The following TESK1 variants were observed in gnomAD, a reference collection of about 807,000 sequenced individuals.
The protein encoded by TESK1 is dual specificity testis-specific protein kinase 1.
In TESK1, 18 loss-of-function variants were observed where a neutral mutation model predicts 59.9. That is an observed-to-expected ratio of 0.30 (90% confidence interval 0.21 to 0.45). TESK1 has a LOEUF of 0.45. Ranked by LOEUF, TESK1 falls within the 20% of genes least tolerant of loss-of-function variation. The probability of loss-of-function intolerance (pLI) is 1.00; values close to 1 mark genes in which losing one functional copy is unlikely to be tolerated. For synonymous variants in TESK1, 341 were observed against 357.4 expected (o/e 0.95, Z 0.52); for missense variants, 748 against 840.9 (o/e 0.89, Z 1.37).
At position 35,609,506 on chromosome 9, in the gene TESK1, C is replaced by T. The variant is rs769002766; in HGVS notation, c.1645C>T (p.Arg549Trp). Residue 549 changes from arginine to tryptophan, a missense_variant, in exon 10 of 10, where the codon CGG becomes TGG. Physicochemically the swap from Arg to Trp is moderately radical, Grantham distance 101. Transcript: ENST00000336395. This position sits in a 1 kb window ranked among gnomAD's most constrained non-coding sequence, Gnocchi z 6.7. The stretch of plus-strand genomic sequence containing the variant: ...CCTGCCCCGGGCGGCAGCCCTGGAG[C>T]GGACAGAACCCTCGCCACCCCCTTC... Reference protein sequence around the residue: ...HSLPRAAALERTEPSPPPSAP... With the variant: ...HSLPRAAALEWTEPSPPPSAP... The T allele has an allele frequency of 1.0e-5, 16 of 1,606,484 alleles. No homozygotes were observed. Among genetic ancestry groups the T allele is most frequent in the East Asian group, 2.2e-5 (1 of 44,794 alleles).
Position 35,605,978 on chromosome 9 carries a change from C to T in TESK1, c.220-6C>T. 1 of 1,613,564 alleles carries T rather than the reference C, an allele frequency of 6.2e-7. No individual in the cohort carries two copies. The highest frequency in any genetic ancestry group is 1.1e-5 in the South Asian group (1 of 91,068). ...CCCGGCCCTCGCCGGCTGCTCCTGC[C>T]CCCAGGTTCGGCACCGACAGTCAGG... On this transcript the variant is annotated splice_region_variant and splice_polypyrimidine_tract_variant and intron_variant, in intron 1 of 9. Transcript: ENST00000336395.
chr9:35,608,921 C>T lies in TESK1; in HGVS notation c.1060C>T (p.Arg354Ter), dbSNP rs1216606540. The change falls in exon 10 of 10, where the codon CGA (arginine) becomes TGA (stop). Residue 354 changes from arginine to a stop codon, truncating the protein, a stop_gained. Coordinates refer to ENST00000336395, the MANE Select transcript of TESK1 (RefSeq NM_006285.3). LOFTEE classifies it high-confidence loss of function. ...TLPRPDPRLS[R>*]SRSDLFLPPS... ...TCCCAGGCCAGATCCCCGGCTTTCC[C>T]GAAGCCGGTCAGACCTCTTCCTGCC... 5 of 1,613,078 alleles carry T rather than the reference C, an allele frequency of 3.1e-6. No homozygotes were observed. Among genetic ancestry groups the T allele is most frequent in the Non-Finnish European group, 3.4e-6 (4 of 1,179,344 alleles).
rs763982127 is a variant in TESK1 at position 35,605,872 on chromosome 9, C to T, written c.219+34C>T. On this transcript the variant is annotated intron_variant, in intron 1 of 9. Transcript: ENST00000336395. The stretch of plus-strand genomic sequence containing the variant: ...GGCCGAGAGGGCAGAGGGGCGGGAC[C>T]GAGCCTTCAACCAGAGGCTGAAACT... 8.7e-6 allele frequency: 14 copies of T among 1,606,652 alleles called. No homozygotes were observed. In the African/African-American group the frequency reaches 1.6e-4, roughly 18 times the overall value.
At chr9:35,608,802 G>T (rs976591793) in intron 9 of TESK1, 60 bp from the exon 10 acceptor site, 97 of 1,515,380 alleles carry the variant, frequency 6.4e-5, no homozygotes, top group Non-Finnish European at 8.4e-5. Flanking sequence ...GAATAGTGAG[G>T]CCCTCAAGGA....
rs1822825721 is a variant in TESK1 at position 35,605,544 on chromosome 9, CGCCCATGGCAAGCGCGGCCTGCCCGG to C, written c.-71_-46del. On this transcript the variant is annotated 5_prime_UTR_variant, in exon 1 of 10. It removes an upstream start codon present in the reference 5' UTR. Coordinates refer to ENST00000336395, the MANE Select transcript of TESK1 (RefSeq NM_006285.3). Reference sequence around the variant, plus strand: ...GGCGCCCGGGATCGGGCTGGGCCCGCGCCCATGGCAAGCGCGGCCTGCCCGGGCCCTGGGGACCCTGCCATGTGAGG... The same window carrying C: ...GGCGCCCGGGATCGGGCTGGGCCCGCGCCCTGGGGACCCTGCCATGTGAGG... 1.9e-5 allele frequency: 7 copies of C among 377,210 alleles called. No homozygotes were observed. Among genetic ancestry groups the C allele is most frequent in the Non-Finnish European group, 3.0e-5 (7 of 234,610 alleles). 23.4% of individuals were successfully genotyped at this position (377,210 alleles called of 1,614,324 possible). A position where few individuals can be genotyped will look rare whatever the true frequency, so the allele number is the denominator to read the frequency against.
rs769024234 is a variant in TESK1 at position 35,605,844 on chromosome 9, A to T, written c.219+6A>T. ...TCTTCTCTGAGGTCTACAAGGTAGG[A>T]CCGGCCGAGAGGGCAGAGGGGCGGG... On this transcript the variant is annotated splice_donor_region_variant and intron_variant, in intron 1 of 9. Coordinates refer to ENST00000336395, the MANE Select transcript of TESK1 (RefSeq NM_006285.3). 2.5e-6 allele frequency: 4 copies of T among 1,610,142 alleles called. No homozygotes were observed. Among genetic ancestry groups the T allele is most frequent in the Non-Finnish European group, 3.4e-6 (4 of 1,178,660 alleles).
Position 35,605,484 on chromosome 9 carries a change from G to A in TESK1, c.-136G>A. On this transcript the variant is annotated 5_prime_UTR_variant, in exon 1 of 10. Coordinates refer to ENST00000336395, the MANE Select transcript of TESK1 (RefSeq NM_006285.3). The stretch of plus-strand genomic sequence containing the variant: ...CGGGGGCGGGTCCAGGATCTTCGGC[G>A]GATCTTCCATTCTCAGGGCGGGAGC... The A allele has an allele frequency of 3.8e-6, 1 of 262,928 alleles. No individual in the cohort carries two copies. The highest frequency in any genetic ancestry group is 7.0e-6 in the Non-Finnish European group (1 of 142,054). The allele number at this position is 262,928 out of a possible 1,614,324, so 16.3% of individuals were successfully genotyped here. A position where few individuals can be genotyped will look rare whatever the true frequency, so the allele number is the denominator to read the frequency against.
At position 35,609,592 on chromosome 9, in the gene TESK1, C is replaced by G. The variant is rs1240468406; in HGVS notation, c.1731C>G (p.Ser577Arg). 6.2e-7 allele frequency: 1 copy of G among 1,613,132 alleles called. No homozygotes were observed. The highest frequency in any genetic ancestry group is 8.5e-7 in the Non-Finnish European group (1 of 1,179,950). ...CTGGCTGCTGCCTCGGCCCCTTCAG[C>G]TTTGGCTTCCTGTCCATGTGCCCCC... is the stretch of plus-strand genomic sequence containing the variant. ...PCPGCCLGPF[S>R]FGFLSMCPRP... Residue 577 changes from serine (S) to arginine (R), a missense_variant, in exon 10 of 10, where the codon AGC becomes AGG. Physicochemically the swap from Ser to Arg is moderately radical, Grantham distance 110. This residue lies in a region of TESK1 where 447 missense variants were observed against 466.1 expected (regional missense o/e 0.96). Coordinates refer to ENST00000336395, the MANE Select transcript of TESK1 (RefSeq NM_006285.3). The surrounding 1 kb of genome is among the most constrained non-coding windows in gnomAD (Gnocchi z 6.7).
chr9:35,608,777 C>T (rs1822904940), intron 9 of TESK1, 85 bp from the exon 10 acceptor site: 5 of 1,474,002 alleles, frequency 3.4e-6, no homozygotes, highest in Non-Finnish European at 3.6e-6. Flanking sequence ...GCTCTAGTCC[C>T]ACCAGCCTCC....
In TESK1 at chr9:35,605,424, C is replaced by A. The variant is rs971897951; in HGVS notation, c.-196C>A. Reference sequence around the variant, plus strand: ...CCAGGCCCTGCGCGGAGCGGAGCGGCGCGGCGTCCACCCGGGCCCAGCCAG... The same window carrying A: ...CCAGGCCCTGCGCGGAGCGGAGCGGAGCGGCGTCCACCCGGGCCCAGCCAG... On this transcript the variant is annotated 5_prime_UTR_variant, in exon 1 of 10. Coordinates refer to ENST00000336395, the MANE Select transcript of TESK1 (RefSeq NM_006285.3). 3 of 190,932 alleles carry A rather than the reference C, an allele frequency of 1.6e-5. No individual in the cohort carries two copies. The highest frequency in any genetic ancestry group is 6.1e-5 in the Admixed American group (1 of 16,318). The allele number at this position is 190,932 out of a possible 1,614,324, so 11.8% of individuals were successfully genotyped here. A position where few individuals can be genotyped will look rare whatever the true frequency, so the allele number is the denominator to read the frequency against.
At chr9:35,608,717 G>A in intron 9 of TESK1, 145 bp from the exon 10 acceptor site, 3 of 1,040,140 alleles carry the variant, frequency 2.9e-6, no homozygotes, top group South Asian at 3.1e-5. Context: ...AAGGGGCCTG[G>A]AGATGACATC....
At chr9:35,606,792 A>T (rs751524599) in intron 3 of TESK1, 45 bp from the exon 4 acceptor site, 1 of 1,554,608 alleles carries the variant, frequency 6.4e-7, no homozygotes, top group South Asian at 1.2e-5. Flanking sequence ...CCTAGAATAC[A>T]GACTGAAGTC....
At position 35,607,731 on chromosome 9, in the gene TESK1, A is replaced by G; in HGVS notation, c.711+59A>G. 6.7e-7 allele frequency: 1 copy of G among 1,492,982 alleles called. No individual in the cohort carries two copies. The highest frequency in any genetic ancestry group is 9.3e-7 in the Non-Finnish European group (1 of 1,076,558). 92.5% of individuals were successfully genotyped at this position (1,492,982 alleles called of 1,614,324 possible). A position where few individuals can be genotyped will look rare whatever the true frequency, so the allele number is the denominator to read the frequency against. ...TCCGAGACCCTTGAGGTATTCTCAT[A>G]AAGCCCCATCCATCCCCAAAACAAC... is the stretch of plus-strand genomic sequence containing the variant. On this transcript the variant is annotated intron_variant, in intron 6 of 9. Transcript: ENST00000336395. The surrounding 1 kb of genome is among the most constrained non-coding windows in gnomAD (Gnocchi z 4.5).
At chr9:35,605,956 G>C in intron 1 of TESK1, 28 bp from the exon 2 acceptor site, 1 of 1,612,138 alleles carries the variant, frequency 6.2e-7, no homozygotes, top group South Asian at 1.1e-5. Context: ...CGACCTGCCC[G>C]GCCCTCGCCG....
At position 35,606,924 on chromosome 9, in the gene TESK1, G is replaced by A. The variant is rs1350081476; in HGVS notation, c.478G>A (p.Ala160Thr). The change falls in exon 4 of 10, where the codon GCC (alanine) becomes ACC (threonine). Residue 160 changes from alanine (A) to threonine (T), a missense_variant. Transcript: ENST00000336395. ...PVRLHLALDI[A>T]RGLRYLHSKG... ...CAGGCTCCACCTGGCCCTGGACATTGCCCGAGGCCTGCGGTACCTGCACTC... is the reference window on the plus strand; with the variant it reads ...CAGGCTCCACCTGGCCCTGGACATTACCCGAGGCCTGCGGTACCTGCACTC... 5 of 1,613,444 alleles carry A rather than the reference G, an allele frequency of 3.1e-6. No homozygotes were observed. The African/African-American group carries it at 6.7e-5, about 22-fold the overall frequency.
intron 3 of TESK1, 83 bp downstream of exon 3, chr9:35,606,368 G>A (rs912356469): frequency 1.4e-5 from 21 of 1,541,750 alleles, no homozygotes; most frequent in Non-Finnish European, 1.8e-5. Flanking sequence ...GTGGATCTAC[G>A]GAGGACTAGT....
rs370840118 is a variant in TESK1 at position 35,609,754 on chromosome 9, G to T, written c.*12G>T. 29 of 1,559,410 alleles carry T rather than the reference G, an allele frequency of 1.9e-5. No homozygotes were observed. The East Asian group carries it at 6.0e-4, about 32-fold the overall frequency. On this transcript the variant is annotated 3_prime_UTR_variant, in exon 10 of 10. Coordinates refer to ENST00000336395, the MANE Select transcript of TESK1 (RefSeq NM_006285.3). The surrounding 1 kb of genome is among the most constrained non-coding windows in gnomAD (Gnocchi z 6.7). ...GGGCACGCTCTTAGCAGTGGAGCCC[G>T]TGGTCTCAGGCCTCCAACTTTGGCC...
Position 35,605,472 on chromosome 9 carries a change from A to AGGATCATCGGC in TESK1, c.-143_-142insATCGGCGGATC. 4.1e-6 allele frequency: 1 copy of AGGATCATCGGC among 241,098 alleles called. No homozygotes were observed. The highest frequency in any genetic ancestry group is 7.8e-6 in the Non-Finnish European group (1 of 127,926). The allele number at this position is 241,098 out of a possible 1,614,324, so 14.9% of individuals were successfully genotyped here. On this transcript the variant is annotated 5_prime_UTR_variant, in exon 1 of 10. Transcript: ENST00000336395. ...CAGCCGGCGCGGCGGGGGCGGGTCC[A>AGGATCATCGGC]GGATCTTCGGCGGATCTTCCATTCT...
In TESK1 at chr9:35,606,920, C is replaced by G; in HGVS notation, c.474C>G (p.Asp158Glu). The part of the protein sequence containing the change: ...SWPVRLHLAL[D>E]IARGLRYLHS... ...CGGTCAGGCTCCACCTGGCCCTGGA[C>G]ATTGCCCGAGGCCTGCGGTACCTGC... is the stretch of plus-strand genomic sequence containing the variant. The change falls in exon 4 of 10, where the codon GAC becomes GAG. Residue 158 changes from aspartate (D) to glutamate (E), a missense_variant. By Grantham distance (45) the Asp-to-Glu change is conservative (BLOSUM62 2). Coordinates refer to ENST00000336395, the MANE Select transcript of TESK1 (RefSeq NM_006285.3). The G allele has an allele frequency of 6.2e-7, 1 of 1,613,736 alleles. No homozygotes were observed. Among genetic ancestry groups the G allele is most frequent in the Non-Finnish European group, 8.5e-7 (1 of 1,179,802 alleles).
Sources: gnomAD v4.1 joint callset for allele counts on GRCh38, gnomAD v4.1.1 for gene constraint, gnomAD v4.1.1 regional missense constraint, Gnocchi (gnomAD v3.1) non-coding constraint, MANE v1.5 for transcripts, NCBI Gene and HGNC (gene_info 2026-07-23, HGNC 2026-07-21) for gene names.